Variants in SLCO3A1 observed in about 807,000 individuals in gnomAD.
SLCO3A1 encodes solute carrier organic anion transporter family member 3A1, also known as PGE1 transporter.
SLCO3A1 carries 27 observed loss-of-function variants against 63.1 expected under a neutral mutation model. The ratio of observed to expected loss-of-function variants is 0.43; its 90% CI spans 0.32 to 0.59. SLCO3A1 has a LOEUF of 0.59. SLCO3A1 is among the 20% of genes least tolerant of loss of function. The pLI, the probability that SLCO3A1 is intolerant of heterozygous loss-of-function variation, is 0.09. For missense variants in SLCO3A1, 773 were observed against 945.8 expected, an observed-to-expected ratio of 0.82 and a Z score of 2.40; for synonymous variants, 473 against 409.9, an observed-to-expected ratio of 1.15 and a Z score of -1.86.
intron 2 of SLCO3A1, among the ~76,000 whole-genome samples, chr15:92,051,943 G>A (rs2046962996): frequency 6.6e-6 from 1 of 152,116 alleles, no homozygotes; most frequent in Non-Finnish European, 1.5e-5. Context: ...CAGATGTACT[G>A]GGGAGCAGTT....
rs556248468 is a variant in SLCO3A1, at chr15:91,856,031, C to G, written c.180+1943C>G. Among the ~76,000 whole-genome samples the G allele has an allele frequency of 2.6e-5, 4 of 152,130 alleles. No homozygotes were observed. The highest frequency in any genetic ancestry group is 6.5e-5 in the Admixed American group (1 of 15,298). On this transcript the variant is annotated intron_variant, in intron 1 of 9. Transcript: ENST00000318445. This position sits in a 1 kb window ranked among gnomAD's most constrained non-coding sequence, Gnocchi z 4.9. ...GGCTGCAACTAGATGAATGGCCTAG[C>G]TCCTTTAGAAAGTTAAGAAGCCGAG...
At chr15:92,171,557 T>C (rs894446004) in intron 10 of SLCO3A1, 1 of 513,360 alleles carries the variant, frequency 1.9e-6, no homozygotes, top group African/African-American at 1.9e-5. Context: ...ATAAATATCC[T>C]TCCCAGAAAG....
rs1202674731 is a variant in SLCO3A1, at chr15:91,942,925, C to T, written c.646+26467C>T. Among the ~76,000 whole-genome samples the T allele has an allele frequency of 1.3e-5, 2 of 152,184 alleles. No homozygotes were observed. The highest frequency in any genetic ancestry group is 2.9e-5 in the Non-Finnish European group (2 of 68,036). On this transcript the variant is annotated intron_variant, in intron 2 of 9. Coordinates refer to ENST00000318445, the MANE Select transcript of SLCO3A1 (RefSeq NM_013272.4). The surrounding 1 kb of genome is among the most constrained non-coding windows in gnomAD (Gnocchi z 4.1). ...ATCAGACAGAGCAGAACTGCTCTGC[C>T]CGAGTGGGCGTGGGGCCCAGGGCCC...
chr15:91,887,493 A>G (rs954442083), intron 1 of SLCO3A1, among the ~76,000 whole-genome samples: 1 of 152,134 alleles, frequency 6.6e-6, no homozygotes. Flanking sequence ...TGTGCACAGG[A>G]GCCCTGCAGC....
chr15:92,071,390 GTGTGGAGGGC>G (rs1381713397), intron 2 of SLCO3A1, among the ~76,000 whole-genome samples: 2 of 152,228 alleles, frequency 1.3e-5, no homozygotes, highest in South Asian at 4.1e-4. Context: ...ACACAGGACA[GTGTGGAGGGC>G]TCTGCATGCT....
intron 4 of SLCO3A1, among the ~76,000 whole-genome samples, chr15:92,107,756 C>T (rs1043377802): frequency 3.3e-5 from 5 of 152,230 alleles, no homozygotes; most frequent in Admixed American, 2.0e-4. Flanking sequence ...CTTCCAGCCC[C>T]CTCTTCTCTG....
chr15:91,889,019 AAG>A, intron 1 of SLCO3A1: 4 of 482,148 alleles, frequency 8.3e-6, no homozygotes, highest in Non-Finnish European at 9.3e-6. Flanking sequence ...AAAAAAAAAA[AAG>A]AAAAGAAAAA....
At chr15:91,929,235 G>A (rs1899137816) in intron 2 of SLCO3A1, among the ~76,000 whole-genome samples, 1 of 152,220 alleles carries the variant, frequency 6.6e-6, no homozygotes, top group Non-Finnish European at 1.5e-5. Flanking sequence ...TGGATTGGGA[G>A]TGGCAAAGGC....
intron 5 of SLCO3A1, 95 bp from the exon 6 acceptor site, chr15:92,125,966 A>G: frequency 9.7e-7 from 1 of 1,033,870 alleles, no homozygotes; most frequent in Non-Finnish European, 1.5e-6. Flanking sequence ...GTCATAGGGC[A>G]TTCACGGGAC....
intron 2 of SLCO3A1, among the ~76,000 whole-genome samples, chr15:91,955,121 C>A (rs748866638): frequency 6.6e-6 from 1 of 152,110 alleles, no homozygotes; most frequent in Admixed American, 6.5e-5. Flanking sequence ...CAAACATTCC[C>A]ACCTTCAGTC....
rs942284754 is a variant in SLCO3A1, at chr15:91,941,286, G to A, written c.646+24828G>A. 20 of 263,680 alleles carry A rather than the reference G, an allele frequency of 7.6e-5. No individual in the cohort carries two copies. The highest frequency in any genetic ancestry group is 2.9e-4 in the African/African-American group (13 of 44,162). 16.3% of individuals were successfully genotyped at this position (263,680 alleles called of 1,614,324 possible). ...TGGTTTAGGTGTGTTGGGGCAGGGC[G>A]GGGCTCGGCTGGGGGGTGGGAGAGA... On this transcript the variant is annotated intron_variant, in intron 2 of 9. Coordinates refer to ENST00000318445, the MANE Select transcript of SLCO3A1 (RefSeq NM_013272.4). The surrounding 1 kb of genome is among the most constrained non-coding windows in gnomAD (Gnocchi z 4.4).
Position 91,872,261 on chromosome 15 carries a change from G to C in SLCO3A1, c.180+18173G>C, listed in dbSNP as rs1021676007. 6.6e-6 allele frequency among the ~76,000 whole-genome samples: 1 copy of C among 152,166 alleles called. No homozygotes were observed. The highest frequency in any genetic ancestry group is 1.9e-4 in the East Asian group (1 of 5,194). On this transcript the variant is annotated intron_variant, in intron 1 of 9. Transcript: ENST00000318445. The surrounding 1 kb of genome is among the most constrained non-coding windows in gnomAD (Gnocchi z 4.1). Reference sequence around the variant, plus strand: ...GTTAAAGAATGTGCTGGATGGGCACGGTGGCTCACGCCTGTAATCCCAGCA... The same window carrying C: ...GTTAAAGAATGTGCTGGATGGGCACCGTGGCTCACGCCTGTAATCCCAGCA...
chr15:91,998,817 C>G (rs935986155), intron 2 of SLCO3A1, among the ~76,000 whole-genome samples: 1 of 152,190 alleles, frequency 6.6e-6, no homozygotes, highest in South Asian at 2.1e-4. Context: ...AGAAATTGCT[C>G]TACTAAAAAG....
chr15:91,866,227 A>G (rs1897160945), intron 1 of SLCO3A1, among the ~76,000 whole-genome samples: 1 of 152,196 alleles, frequency 6.6e-6, no homozygotes, highest in Non-Finnish European at 1.5e-5. Flanking sequence ...GTAAAAAAAA[A>G]TCCTAGACAG....
At chr15:92,058,278 G>A (rs1448946966) in intron 2 of SLCO3A1, among the ~76,000 whole-genome samples, 1 of 152,128 alleles carries the variant, frequency 6.6e-6, no homozygotes, top group Non-Finnish European at 1.5e-5. Flanking sequence ...TAAGTTCAGT[G>A]CCCTTTCTGC....
intron 2 of SLCO3A1, among the ~76,000 whole-genome samples, chr15:92,015,814 G>A (rs1030652450): frequency 2.6e-5 from 4 of 152,152 alleles, no homozygotes; most frequent in African/African-American, 4.8e-5. Context: ...GCTCAATCAG[G>A]AAGGCCCGAG....
intron 4 of SLCO3A1, among the ~76,000 whole-genome samples, chr15:92,110,728 AGTT>A (rs2047718414): frequency 6.6e-6 from 1 of 152,138 alleles, no homozygotes; most frequent in African/African-American, 2.4e-5. Flanking sequence ...CAGGGACTGC[AGTT>A]GTTTTTTCTC....
In SLCO3A1 at chr15:91,897,692, C is replaced by T. The variant is rs369824362; in HGVS notation, c.181-18301C>T. On this transcript the variant is annotated intron_variant, in intron 1 of 9. Transcript: ENST00000318445. This position sits in a 1 kb window ranked among gnomAD's most constrained non-coding sequence, Gnocchi z 4.7. The stretch of plus-strand genomic sequence containing the variant: ...TAAAGTTAGTCTCCCTGGACAGTGG[C>T]GGCAGAGTGGATTGGTGTGCTCCCA... Among the ~76,000 whole-genome samples the T allele has an allele frequency of 7.2e-5, 11 of 152,224 alleles. No homozygotes were observed. The South Asian group carries it at 2.3e-3, about 32-fold the overall frequency.
rs1168278312 is a variant in SLCO3A1, at chr15:92,165,668, C to G, written c.*2533C>G. On this transcript the variant is annotated 3_prime_UTR_variant, in exon 10 of 10. Transcript: ENST00000318445. ...TAAAGACCGCTGTTGCAGGATGGCT[C>G]TGAATTCTGTTGTGTCGTCTTTTAA... 1.0e-6 allele frequency: 1 copy of G among 985,226 alleles called. No homozygotes were observed. The highest frequency in any genetic ancestry group is 1.7e-5 in the African/African-American group (1 of 57,216). 61.0% of individuals were successfully genotyped at this position (985,226 alleles called of 1,614,324 possible).
Sources: gnomAD v4.1 joint callset for allele counts (sites outside exome capture counted in the v4.1 genomes callset) on GRCh38, gnomAD v4.1.1 for gene constraint, Gnocchi (gnomAD v3.1) non-coding constraint, MANE v1.5 for transcripts, NCBI Gene and HGNC (gene_info 2026-07-23, HGNC 2026-07-21) for gene names.